ITCH: variants seen among roughly 807,000 people sequenced by gnomAD.
ITCH encodes E3 ubiquitin-protein ligase Itchy homolog.
A neutral mutation model predicts 126.8 loss-of-function variants in ITCH; 28 were observed. That is an observed-to-expected ratio of 0.22 (90% CI 0.16 to 0.30). ITCH has a LOEUF of 0.30. ITCH is among the 10% of genes least tolerant of loss of function. The pLI, the probability that ITCH is intolerant of heterozygous loss-of-function variation, is 1.00. For missense variants in ITCH, 631 were observed against 1,032.4 expected (o/e 0.61, Z 5.33); for synonymous variants, 342 against 340.0 (o/e 1.01, Z -0.06).
intron 2 of ITCH, among the ~76,000 whole-genome samples, chr20:34,374,778 G>A (rs967239698): frequency 1.3e-5 from 2 of 150,278 alleles, no homozygotes; most frequent in Non-Finnish European, 2.9e-5. Flanking sequence ...TTGTTGCCCA[G>A]GCTGGAGTGC....
intron 22 of ITCH, among the ~76,000 whole-genome samples, chr20:34,490,441 C>T (rs879839708): frequency 5.9e-5 from 9 of 152,068 alleles, no homozygotes; most frequent in African/African-American, 9.7e-5. Context: ...GAGGCTGAGG[C>T]GGGTGGATCA....
At chr20:34,367,475 G>C (rs1601725222) in intron 1 of ITCH, among the ~76,000 whole-genome samples, 2 of 152,162 alleles carry the variant, frequency 1.3e-5, no homozygotes, top group East Asian at 3.8e-4. Context: ...TTAGAGTTGG[G>C]AGAAGTTACA....
intron 23 of ITCH, among the ~76,000 whole-genome samples, chr20:34,500,042 T>C (rs1990153325): frequency 1.3e-5 from 2 of 152,214 alleles, no homozygotes; most frequent in Admixed American, 1.3e-4. Context: ...GAAAATATAT[T>C]TGACATTATG....
chr20:34,442,736 G>A lies in ITCH; in HGVS notation c.965+433G>A, dbSNP rs1163340727. Among the ~76,000 whole-genome samples the A allele has an allele frequency of 2.6e-5, 4 of 151,896 alleles. No homozygotes were observed. In the East Asian group the frequency reaches 7.8e-4, roughly 30 times the overall value. ...CGCCTGTAATCCCAGCACTTTGGGA[G>A]GGCGAGGTGGGAGGATCACGAGCTC... On this transcript the variant is annotated intron_variant, in intron 10 of 24. Transcript: ENST00000374864.
intron 8 of ITCH, among the ~76,000 whole-genome samples, 172 bp from the exon 9 acceptor site, chr20:34,439,983 C>T (rs537779917): frequency 2.0e-5 from 3 of 152,336 alleles, no homozygotes; most frequent in Admixed American, 2.0e-4. Flanking sequence ...AGCCTATTAA[C>T]TGGCAGCGTT....
At chr20:34,495,705 A>G (rs1287828356) in intron 23 of ITCH, among the ~76,000 whole-genome samples, 1 of 152,052 alleles carries the variant, frequency 6.6e-6, no homozygotes, top group African/African-American at 2.4e-5. Context: ...ACATAAGTTG[A>G]TTCCCTATCT....
chr20:34,434,923 A>G (rs1982807316), intron 7 of ITCH, among the ~76,000 whole-genome samples: 1 of 152,212 alleles, frequency 6.6e-6, no homozygotes, highest in Admixed American at 6.5e-5. Context: ...CTCTATAAAT[A>G]CAAATACATA....
In ITCH at chr20:34,510,206, C is replaced by T. The variant is rs897835446; in HGVS notation, c.*2412C>T. 6.6e-6 allele frequency: 1 copy of T among 152,484 alleles called. No homozygotes were observed. Among genetic ancestry groups the T allele is most frequent in the Non-Finnish European group, 1.5e-5 (1 of 68,024 alleles). The allele number at this position is 152,484 out of a possible 1,614,324, so 9.4% of individuals were successfully genotyped here. On this transcript the variant is annotated 3_prime_UTR_variant, in exon 25 of 25. Coordinates refer to ENST00000374864, the MANE Select transcript of ITCH (RefSeq NM_031483.7). ...TGGCCACATGTATATGTCTTCCCTG[C>T]TGTGTTAGGAAAATGGGGGCTGGAT...
At chr20:34,421,159 A>G (rs1194508368) in intron 6 of ITCH, among the ~76,000 whole-genome samples, 3 of 152,168 alleles carry the variant, frequency 2.0e-5, no homozygotes, top group Non-Finnish European at 2.9e-5. Flanking sequence ...ACTAGAGCTC[A>G]GTGGCTATTC....
chr20:34,397,993 A>ATTTTTTTTTTTTTT (rs570535836), intron 3 of ITCH, among the ~76,000 whole-genome samples: 1 of 143,122 alleles, frequency 7.0e-6, no homozygotes. Context: ...TCGTTATTGA[A>ATTTTTTTTTTTTTT]TTTTTTTTTT....
chr20:34,469,261 T>C (rs1290991964), intron 14 of ITCH, among the ~76,000 whole-genome samples: 2 of 151,764 alleles, frequency 1.3e-5, no homozygotes. Flanking sequence ...TCACACACTT[T>C]TTAGCTATTT....
In ITCH at chr20:34,442,274, A is replaced by T. The variant is rs745401412; in HGVS notation, c.936A>T (p.Thr312=). ...YYVDHVEKRT[T]WDRPEPLPPG... ...TAGATCATGTTGAGAAAAGAACAAC[A>T]TGGGATAGACCAGAACCTCTACCTC... Residue 312 remains threonine (T), a synonymous_variant, in exon 10 of 25, where the codon ACA becomes ACT. Transcript: ENST00000374864. The T allele has an allele frequency of 5.0e-6, 8 of 1,613,642 alleles. No individual in the cohort carries two copies. The East Asian group carries it at 1.8e-4, about 36-fold the overall frequency.
chr20:34,372,038 G>A (rs918964998), intron 2 of ITCH, among the ~76,000 whole-genome samples: 3 of 152,048 alleles, frequency 2.0e-5, no homozygotes, highest in African/African-American at 7.2e-5. Flanking sequence ...CGGCCGCGGT[G>A]GCTCATCCCT....
intron 9 of ITCH, chr20:34,441,498 C>T (rs910821945): frequency 8.5e-5 from 13 of 152,118 alleles, no homozygotes; most frequent in African/African-American, 3.1e-4. Flanking sequence ...GATCTTAGCT[C>T]TCTGTAACCT....
intron 23 of ITCH, among the ~76,000 whole-genome samples, chr20:34,495,484 T>G (rs570571811): frequency 6.6e-6 from 1 of 152,068 alleles, no homozygotes; most frequent in Admixed American, 6.5e-5. Context: ...ACTGTTGCAC[T>G]TTGTACTTCT....
chr20:34,402,101 T>A, intron 3 of ITCH: 1 of 827,834 alleles, frequency 1.2e-6, no homozygotes, highest in Non-Finnish European at 2.0e-6. Flanking sequence ...TTGCTTTTAG[T>A]ATGATGCCAA....
At chr20:34,489,720 C>T (rs1989379890) in intron 21 of ITCH, 102 bp from the exon 22 acceptor site, 2 of 838,700 alleles carry the variant, frequency 2.4e-6, no homozygotes, top group Non-Finnish European at 4.2e-6. Flanking sequence ...TCAAAGCCTA[C>T]TGATTGTTAT....
chr20:34,436,370 T>A (rs529300071), intron 7 of ITCH, among the ~76,000 whole-genome samples: 21 of 152,328 alleles, frequency 1.4e-4, no homozygotes, highest in African/African-American at 4.8e-4. Context: ...TCTATTCTAC[T>A]CATTGTTATC....
intron 17 of ITCH, among the ~76,000 whole-genome samples, chr20:34,478,567 A>G (rs1988442769): frequency 6.6e-6 from 1 of 152,194 alleles, no homozygotes; most frequent in Non-Finnish European, 1.5e-5. Flanking sequence ...TCTGCTCTCA[A>G]TAGTGTGATG....
Sources: allele counts gnomAD v4.1 joint callset (sites outside exome capture counted in the v4.1 genomes callset), GRCh38; gene constraint gnomAD v4.1.1; transcripts MANE v1.5; gene names NCBI Gene and HGNC (gene_info 2026-07-23, HGNC 2026-07-21).